The following DACH1 variants were observed in gnomAD, a reference collection of about 807,000 sequenced individuals.
The protein encoded by DACH1 is dachshund homolog 1.
A neutral mutation model predicts 54.2 loss-of-function variants in DACH1; 12 were observed. That is an observed-to-expected ratio of 0.22 (90% CI 0.14 to 0.36). The LOEUF is 0.36. DACH1 is among the 10% of genes least tolerant of loss of function. The probability of loss-of-function intolerance (pLI) is 1.00; values close to 1 mark genes in which losing one functional copy is unlikely to be tolerated. For missense variants in DACH1, 805 were observed against 929.8 expected (o/e 0.87, Z 1.75); for synonymous variants, 386 against 366.2 (o/e 1.05, Z -0.62).
chr13:71,825,485 G>T (rs568095969), intron 1 of DACH1, among the ~76,000 whole-genome samples: 1 of 152,090 alleles, frequency 6.6e-6, no homozygotes, highest in East Asian at 1.9e-4. Flanking sequence ...CCTAGACCTA[G>T]GCAATCATTA....
intron 1 of DACH1, among the ~76,000 whole-genome samples, chr13:71,716,015 T>C (rs1882948739): frequency 3.3e-5 from 5 of 152,086 alleles, no homozygotes; most frequent in Admixed American, 3.3e-4. Context: ...TGATGTAAAC[T>C]TCTTATCTTC....
chr13:71,573,069 T>G, intron 3 of DACH1, 57 bp from the exon 4 acceptor site: 1 of 1,517,860 alleles, frequency 6.6e-7, no homozygotes, highest in Non-Finnish European at 8.9e-7. Context: ...CATTAAAAAT[T>G]GAAACAGTCA....
intron 1 of DACH1, among the ~76,000 whole-genome samples, chr13:71,728,292 A>C (rs750581027): frequency 6.6e-6 from 1 of 152,032 alleles, no homozygotes; most frequent in African/African-American, 2.4e-5. Context: ...AACTATGATC[A>C]TATCTCTTTG....
chr13:71,522,219 C>T (rs1008814221), intron 6 of DACH1, among the ~76,000 whole-genome samples: 3 of 152,072 alleles, frequency 2.0e-5, no homozygotes, highest in South Asian at 2.1e-4. Flanking sequence ...AAAACATTCT[C>T]TGCAATGTGG....
chr13:71,578,241 G>A (rs571813592), intron 3 of DACH1, among the ~76,000 whole-genome samples: 6 of 152,202 alleles, frequency 3.9e-5, no homozygotes, highest in South Asian at 2.1e-4. Context: ...AGATTGTGAC[G>A]GGAACCTGAC....
chr13:71,631,144 T>G (rs969732835), intron 2 of DACH1, among the ~76,000 whole-genome samples: 4 of 152,160 alleles, frequency 2.6e-5, no homozygotes, highest in Non-Finnish European at 1.5e-5. Context: ...TTCATTGTCA[T>G]CCACACCCTG....
At chr13:71,684,903 T>C (rs1487178221) in intron 1 of DACH1, among the ~76,000 whole-genome samples, 1 of 152,128 alleles carries the variant, frequency 6.6e-6, no homozygotes, top group Non-Finnish European at 1.5e-5. Context: ...CAGAATGAGT[T>C]TGAAACTCTA....
At chr13:71,846,434 A>G (rs1003571765) in intron 1 of DACH1, 4 of 152,944 alleles carry the variant, frequency 2.6e-5, no homozygotes, top group African/African-American at 9.6e-5. Flanking sequence ...TGAGGTTGGG[A>G]GTTCGGAGCG....
chr13:71,692,510 T>TTTTTTTTTTTTTTTTTTTTTTC (rs1881557876), intron 1 of DACH1, among the ~76,000 whole-genome samples: 1 of 9,084 alleles, frequency 1.1e-4, no homozygotes, highest in African/African-American at 3.6e-4. Context: ...TCTTTCCTTT[T>TTTTTTTTTTTTTTTTTTTTTTC]TTTTTTTTTT....
chr13:71,642,471 T>A (rs1877980614), intron 2 of DACH1, among the ~76,000 whole-genome samples: 1 of 152,202 alleles, frequency 6.6e-6, no homozygotes, highest in South Asian at 2.1e-4. Context: ...CTGTAGCAAT[T>A]AGGTAATTCC....
chr13:71,848,480 G>A (rs1173757806), intron 1 of DACH1, among the ~76,000 whole-genome samples: 2 of 151,912 alleles, frequency 1.3e-5, no homozygotes, highest in South Asian at 4.1e-4. Flanking sequence ...TTCGTGCTTT[G>A]TAAGCTCTTC....
intron 1 of DACH1, among the ~76,000 whole-genome samples, chr13:71,753,725 A>G (rs1019664132): frequency 6.6e-6 from 1 of 152,160 alleles, no homozygotes; most frequent in Non-Finnish European, 1.5e-5. Flanking sequence ...AATATAATCA[A>G]TTCTCAATTA....
At chr13:71,767,069 T>A (rs972834496) in intron 1 of DACH1, among the ~76,000 whole-genome samples, 2 of 152,016 alleles carry the variant, frequency 1.3e-5, no homozygotes, top group East Asian at 3.9e-4. Context: ...AGTGACAGAG[T>A]ACATTTTCCT....
At chr13:71,675,273 T>A in intron 2 of DACH1, 1 of 1,598,186 alleles carries the variant, frequency 6.3e-7, no homozygotes, top group East Asian at 2.2e-5. Context: ...CCTTCCAGAG[T>A]CTGGTGCGAG....
intron 6 of DACH1, among the ~76,000 whole-genome samples, chr13:71,498,794 G>A (rs1879661741): frequency 6.6e-6 from 1 of 152,046 alleles, no homozygotes; most frequent in African/African-American, 2.4e-5. Context: ...CCAATTCCCT[G>A]AAGAAACTGT....
At chr13:71,855,443 T>A (rs534028838) in intron 1 of DACH1, among the ~76,000 whole-genome samples, 22 of 152,086 alleles carry the variant, frequency 1.4e-4, no homozygotes, top group Non-Finnish European at 2.8e-4. Context: ...TTTAATACTG[T>A]CAAACAAGTA....
intron 2 of DACH1, among the ~76,000 whole-genome samples, chr13:71,676,299 C>T (rs1485178035): frequency 6.6e-6 from 1 of 152,034 alleles, no homozygotes; most frequent in Non-Finnish European, 1.5e-5. Context: ...CTCACTGTAA[C>T]CTCCTCTTTC....
At chr13:71,715,065 C>T (rs1314129445) in intron 1 of DACH1, among the ~76,000 whole-genome samples, 2 of 152,074 alleles carry the variant, frequency 1.3e-5, no homozygotes, top group Non-Finnish European at 2.9e-5. Flanking sequence ...TTATTATCTC[C>T]ATCTCTCAGA....
intron 10 of DACH1, among the ~76,000 whole-genome samples, chr13:71,455,959 C>T (rs762589562): frequency 1.3e-5 from 2 of 152,014 alleles, no homozygotes; most frequent in Non-Finnish European, 2.9e-5. Flanking sequence ...AAATGTAAGA[C>T]ACTAAGTGCT....
Sources: allele counts gnomAD v4.1 joint callset (sites outside exome capture counted in the v4.1 genomes callset), GRCh38; gene constraint gnomAD v4.1.1; transcripts MANE v1.5; gene names NCBI Gene and HGNC (gene_info 2026-07-23, HGNC 2026-07-21).